The following SLC6A6 variants were observed in gnomAD, a reference collection of about 807,000 sequenced individuals.
The protein encoded by SLC6A6 is solute carrier family 6 member 6.
In SLC6A6, 16 loss-of-function variants were observed where a neutral mutation model predicts 68.8. The ratio of observed to expected loss-of-function variants is 0.23; its 90% CI spans 0.16 to 0.35. SLC6A6 has a LOEUF of 0.35. Among genes scored for constraint, SLC6A6 ranks in the 10% least tolerant of loss-of-function variants. The pLI is 1.00. For missense variants in SLC6A6, 474 were observed against 802.8 expected (o/e 0.59, Z 4.95); for synonymous variants, 312 against 315.4 (o/e 0.99, Z 0.12).
intron 6 of SLC6A6, among the ~76,000 whole-genome samples, chr3:14,458,530 C>A (rs1053329934): frequency 1.3e-5 from 2 of 152,230 alleles, no homozygotes; most frequent in Non-Finnish European, 2.9e-5. Flanking sequence ...CATGGACCCT[C>A]GCTTTGCAGA....
intron 2 of SLC6A6, among the ~76,000 whole-genome samples, chr3:14,436,835 C>G (rs1699867480): frequency 6.6e-6 from 1 of 152,158 alleles, no homozygotes; most frequent in South Asian, 2.1e-4. Flanking sequence ...TGACTGCTCC[C>G]CAGGCCCTGT....
chr3:14,458,460 A>C (rs1700420065), intron 6 of SLC6A6, among the ~76,000 whole-genome samples: 1 of 152,236 alleles, frequency 6.6e-6, no homozygotes, highest in South Asian at 2.1e-4. Flanking sequence ...GCTTCTAATA[A>C]ATAGGTTAGC....
At chr3:14,473,926 G>A (rs1388405308) in intron 10 of SLC6A6, among the ~76,000 whole-genome samples, 1 of 152,232 alleles carries the variant, frequency 6.6e-6, no homozygotes, top group African/African-American at 2.4e-5. Flanking sequence ...CTGAGCAGGT[G>A]GAGGTGGTCA....
chr3:14,428,127 AC>A (rs1228099806), intron 2 of SLC6A6, among the ~76,000 whole-genome samples: 3 of 152,160 alleles, frequency 2.0e-5, no homozygotes, highest in South Asian at 2.1e-4. Context: ...ATTGATGGGG[AC>A]CCCAGGATCC....
At chr3:14,475,517 C>A (rs141093168) in intron 10 of SLC6A6, among the ~76,000 whole-genome samples, 1 of 152,190 alleles carries the variant, frequency 6.6e-6, no homozygotes, top group African/African-American at 2.4e-5. Context: ...TCCCATTTCA[C>A]GGAGAGGCAA....
intron 2 of SLC6A6, chr3:14,432,742 C>T (rs1352959258): frequency 6.6e-6 from 1 of 152,292 alleles, no homozygotes; most frequent in Non-Finnish European, 1.5e-5. Flanking sequence ...TGGGGCTGCT[C>T]TCGGCCCTGC....
chr3:14,414,412 C>T (rs1299677285), intron 1 of SLC6A6, among the ~76,000 whole-genome samples: 1 of 152,198 alleles, frequency 6.6e-6, no homozygotes, highest in Admixed American at 6.5e-5. Flanking sequence ...CATCTAGACC[C>T]CTTGGGCTGA....
intron 9 of SLC6A6, among the ~76,000 whole-genome samples, chr3:14,469,324 G>T (rs2124983491): frequency 6.6e-6 from 1 of 152,200 alleles, no homozygotes; most frequent in South Asian, 2.1e-4. Flanking sequence ...AGAGCGTGGG[G>T]GTTATTAACT....
chr3:14,483,424 GGAT>G (rs1016863038), intron 14 of SLC6A6, among the ~76,000 whole-genome samples: 1 of 152,262 alleles, frequency 6.6e-6, no homozygotes. Context: ...CTCTGTCCCA[GGAT>G]GGTTCCAGCT....
chr3:14,422,099 T>C (rs766009201), intron 2 of SLC6A6, among the ~76,000 whole-genome samples: 8 of 152,222 alleles, frequency 5.3e-5, no homozygotes, highest in Non-Finnish European at 1.0e-4. Flanking sequence ...CATCTGTCCA[T>C]GTGTTCTAAG....
intron 10 of SLC6A6, among the ~76,000 whole-genome samples, chr3:14,474,758 C>G (rs889157779): frequency 1.3e-5 from 2 of 152,234 alleles, no homozygotes; most frequent in Non-Finnish European, 2.9e-5. Flanking sequence ...TCCCAACTGG[C>G]CTTCCCCTTG....
intron 3 of SLC6A6, 49 bp from the exon 4 acceptor site, chr3:14,445,668 G>C (rs1052030196): frequency 1.2e-6 from 2 of 1,611,520 alleles, no homozygotes; most frequent in Non-Finnish European, 8.5e-7. Flanking sequence ...CTTCTGCGTC[G>C]GCGCTGCCAT....
At chr3:14,467,380 TA>T (rs1452246171) in intron 7 of SLC6A6, among the ~76,000 whole-genome samples, 17 of 152,186 alleles carry the variant, frequency 1.1e-4, no homozygotes, top group African/African-American at 3.9e-4. Context: ...TTCTGCATTC[TA>T]ACTCGGGGGT....
chr3:14,468,363 C>A lies in SLC6A6; in HGVS notation c.1096+151C>A. On this transcript the variant is annotated intron_variant, in intron 9 of 14. Transcript: ENST00000622186. This position sits in a 1 kb window ranked among gnomAD's most constrained non-coding sequence, Gnocchi z 4.5. Reference sequence around the variant, plus strand: ...CCCCCCCCGCCACCAAGATATCCCCCAAATTTCAAAGAGTACAAAGCCAAA... The same window carrying A: ...CCCCCCCCGCCACCAAGATATCCCCAAAATTTCAAAGAGTACAAAGCCAAA... 2 of 726,028 alleles carry A rather than the reference C, an allele frequency of 2.8e-6. No homozygotes were observed. The highest frequency in any genetic ancestry group is 4.3e-6 in the Non-Finnish European group (2 of 460,436). 45.0% of individuals were successfully genotyped at this position (726,028 alleles called of 1,614,324 possible). A position where few individuals can be genotyped will look rare whatever the true frequency, so the allele number is the denominator to read the frequency against.
At chr3:14,422,314 G>C (rs1205509536) in intron 2 of SLC6A6, among the ~76,000 whole-genome samples, 1 of 152,122 alleles carries the variant, frequency 6.6e-6, no homozygotes, top group South Asian at 2.1e-4. Context: ...CCACACACTT[G>C]CTGGCAGAGC....
chr3:14,481,504 C>T lies in SLC6A6; in HGVS notation c.1552-167C>T, dbSNP rs759281671. Among the ~76,000 whole-genome samples the T allele has an allele frequency of 2.0e-5, 3 of 151,568 alleles. No individual in the cohort carries two copies. Among genetic ancestry groups the T allele is most frequent in the African/African-American group, 2.4e-5 (1 of 41,226 alleles). ...GGGAAACGACTTACTGTGTTTTTACCGGGGCGGGGGGGATCCTTATGGCAG... is the reference window on the plus strand; with the variant it reads ...GGGAAACGACTTACTGTGTTTTTACTGGGGCGGGGGGGATCCTTATGGCAG... On this transcript the variant is annotated intron_variant, in intron 13 of 14. Transcript: ENST00000622186. This position sits in a 1 kb window ranked among gnomAD's most constrained non-coding sequence, Gnocchi z 4.7.
At chr3:14,442,093 G>A (rs1197852386) in intron 2 of SLC6A6, among the ~76,000 whole-genome samples, 1 of 152,214 alleles carries the variant, frequency 6.6e-6, no homozygotes, top group Non-Finnish European at 1.5e-5. Flanking sequence ...GTGGTGAGCT[G>A]GCCAGGGTGT....
At chr3:14,479,014 C>T in intron 12 of SLC6A6, 71 bp from the exon 13 acceptor site, 1 of 929,854 alleles carries the variant, frequency 1.1e-6, no homozygotes, top group Non-Finnish European at 1.8e-6. Context: ...CCAGAGACCC[C>T]ACTCATGGCC....
Position 14,481,620 on chromosome 3 carries a change from C to A in SLC6A6, c.1552-51C>A, listed in dbSNP as rs778721932. ...GCCAGTCCTAGTCCCAGAAGCCCCC[C>A]ACCCCCCGATGCCCAGGACCCCTCT... On this transcript the variant is annotated intron_variant, in intron 13 of 14. Coordinates refer to ENST00000622186, the MANE Select transcript of SLC6A6 (RefSeq NM_003043.6). This position sits in a 1 kb window ranked among gnomAD's most constrained non-coding sequence, Gnocchi z 4.7. 5 of 1,313,296 alleles carry A rather than the reference C, an allele frequency of 3.8e-6. No individual in the cohort carries two copies. The highest frequency in any genetic ancestry group is 2.6e-5 in the South Asian group (2 of 77,154). The allele number at this position is 1,313,296 out of a possible 1,614,324, so 81.4% of individuals were successfully genotyped here. A position where few individuals can be genotyped will look rare whatever the true frequency, so the allele number is the denominator to read the frequency against.
Sources: allele counts gnomAD v4.1 joint callset (sites outside exome capture counted in the v4.1 genomes callset), GRCh38; gene constraint gnomAD v4.1.1; non-coding constraint Gnocchi (gnomAD v3.1); transcripts MANE v1.5; gene names NCBI Gene and HGNC (gene_info 2026-07-23, HGNC 2026-07-21).